Variants in DCC observed in about 807,000 individuals in gnomAD.
The protein encoded by DCC is DCC netrin 1 receptor.
A neutral mutation model predicts 172.5 loss-of-function variants in DCC; 58 were observed. That is an observed-to-expected ratio of 0.34 (90% confidence interval 0.27 to 0.42). DCC has a LOEUF of 0.42. DCC is among the 10% of genes least tolerant of loss of function. The probability of loss-of-function intolerance (pLI) is 1.00; values close to 1 mark genes in which losing one functional copy is unlikely to be tolerated. For synonymous variants in DCC, 709 were observed against 644.5 expected (o/e 1.10, Z -1.52); for missense variants, 1,740 against 1,791.0 (o/e 0.97, Z 0.51).
chr18:53,128,830 T>TACAC (rs1209652447), intron 7 of DCC, among the ~76,000 whole-genome samples: 4,731 of 85,742 alleles, frequency 0.055, 205 homozygotes, highest in Non-Finnish European at 0.081. Flanking sequence ...TGTATACACA[T>TACAC]ACACACACAC....
intron 21 of DCC, among the ~76,000 whole-genome samples, chr18:53,432,082 T>G (rs962478839): frequency 6.6e-6 from 1 of 152,098 alleles, no homozygotes; most frequent in African/African-American, 2.4e-5. Context: ...TGACTGAAAA[T>G]AAAACATTTT....
intron 1 of DCC, among the ~76,000 whole-genome samples, chr18:52,363,387 C>T (rs186886019): frequency 6.6e-6 from 1 of 152,290 alleles, no homozygotes; most frequent in South Asian, 2.1e-4. Context: ...CCTTCAGAAT[C>T]CCTCATTTCT....
At chr18:53,203,277 G>A (rs1304435106) in intron 9 of DCC, among the ~76,000 whole-genome samples, 1 of 150,606 alleles carries the variant, frequency 6.6e-6, no homozygotes, top group Non-Finnish European at 1.5e-5. Flanking sequence ...GAATATTTTG[G>A]TATATATATT....
chr18:52,722,366 A>G (rs371163781), intron 1 of DCC, among the ~76,000 whole-genome samples: 1 of 152,008 alleles, frequency 6.6e-6, no homozygotes, highest in East Asian at 1.9e-4. Flanking sequence ...CCTACCTTTC[A>G]CCATTCACCT....
chr18:53,513,814 A>G (rs1294448008), intron 27 of DCC, among the ~76,000 whole-genome samples: 3 of 149,174 alleles, frequency 2.0e-5, no homozygotes, highest in Non-Finnish European at 3.0e-5. Context: ...TTCATAAAGC[A>G]AGTCCTGAGT....
chr18:52,741,061 A>AAG (rs1026647435), intron 1 of DCC, among the ~76,000 whole-genome samples: 2 of 151,994 alleles, frequency 1.3e-5, no homozygotes, highest in Non-Finnish European at 2.9e-5. Context: ...AGGTCTCCTG[A>AAG]CCCTTGTGCT....
chr18:52,881,004 A>T (rs1268576752), intron 2 of DCC, among the ~76,000 whole-genome samples: 1 of 152,126 alleles, frequency 6.6e-6, no homozygotes, highest in Non-Finnish European at 1.5e-5. Flanking sequence ...CCTTTTCTCC[A>T]CATCCTCTCC....
intron 12 of DCC, among the ~76,000 whole-genome samples, chr18:53,251,556 C>A (rs2056435070): frequency 6.6e-6 from 1 of 151,884 alleles, no homozygotes; most frequent in South Asian, 2.1e-4. Flanking sequence ...AGTCTTCTTA[C>A]ATTTATCTAA....
Position 53,205,264 on chromosome 18 carries a change from C to T in DCC, c.1622C>T (p.Pro541Leu), listed in dbSNP as rs1568363941. Residue 541 changes from proline to leucine, a missense_variant, in exon 10 of 29, where the codon CCT becomes CTT. Around this residue, in one of 2 missense-constraint regions of DCC, gnomAD observed 1,732 missense variants for 1,767.4 expected, o/e 0.98. Coordinates refer to ENST00000442544, the MANE Select transcript of DCC (RefSeq NM_005215.4). ...AACCTGCAAGCTGTATCTACCTCACCTACCTCAATTCTTATTACCTGGGAA... is the reference window on the plus strand; with the variant it reads ...AACCTGCAAGCTGTATCTACCTCACTTACCTCAATTCTTATTACCTGGGAA... ...VENLQAVSTS[P>L]TSILITWEPP... The T allele has an allele frequency of 6.2e-7, 1 of 1,613,514 alleles. No homozygotes were observed.
chr18:53,481,270 C>T (rs562918454), intron 25 of DCC, among the ~76,000 whole-genome samples: 56 of 152,272 alleles, frequency 3.7e-4, no homozygotes, highest in African/African-American at 1.2e-3. Context: ...GCATCTTTGA[C>T]GCTGGCTATG....
At chr18:53,370,716 A>T (rs1295653424) in intron 15 of DCC, among the ~76,000 whole-genome samples, 1 of 151,832 alleles carries the variant, frequency 6.6e-6, no homozygotes, top group African/African-American at 2.4e-5. Context: ...CATTACGGCC[A>T]GAGAAGATAC....
intron 21 of DCC, among the ~76,000 whole-genome samples, chr18:53,420,022 T>A (rs938531207): frequency 6.6e-6 from 1 of 151,782 alleles, no homozygotes; most frequent in South Asian, 2.1e-4. Context: ...CCTGGCTAAT[T>A]TTTTTGTCTT....
In DCC at chr18:53,517,443, TATAATA is replaced by T. The variant is rs71179517; in HGVS notation, c.4112-9145_4112-9140del. The stretch of plus-strand genomic sequence containing the variant: ...TGCACATGTACCCTAAAACTTAAAA[TATAATA>T]ATAATAATAATAATAATAATAATAA... On this transcript the variant is annotated intron_variant, in intron 27 of 28. Transcript: ENST00000442544. 8.0e-3 allele frequency among the ~76,000 whole-genome samples: 1,139 copies of T among 142,486 alleles called. 8 individuals carry two copies. Among genetic ancestry groups the T allele is most frequent in the African/African-American group, 0.022 (819 of 37,728 alleles). The allele number at this position is 142,486 out of a possible 152,430, so 93.5% of individuals were successfully genotyped here. A position where few individuals can be genotyped will look rare whatever the true frequency, so the allele number is the denominator to read the frequency against.
intron 15 of DCC, among the ~76,000 whole-genome samples, chr18:53,373,177 T>G (rs781550479): frequency 5.3e-5 from 8 of 152,190 alleles, no homozygotes; most frequent in Non-Finnish European, 8.8e-5. Context: ...TATACACCAG[T>G]AATGTTATAA....
chr18:52,391,968 G>T (rs928100751), intron 1 of DCC, among the ~76,000 whole-genome samples: 6 of 152,172 alleles, frequency 3.9e-5, no homozygotes. Context: ...CTTTAAAGCT[G>T]CCAGTGTAGC....
chr18:53,003,907 C>G (rs2041605806), intron 5 of DCC, among the ~76,000 whole-genome samples: 1 of 152,102 alleles, frequency 6.6e-6, no homozygotes, highest in African/African-American at 2.4e-5. Context: ...AGTCAAAGGT[C>G]TACAAGGTGT....
At chr18:52,636,843 C>T (rs2034789804) in intron 1 of DCC, among the ~76,000 whole-genome samples, 1 of 152,300 alleles carries the variant, frequency 6.6e-6, no homozygotes, top group East Asian at 1.9e-4. Flanking sequence ...TGGAAAGCGC[C>T]ACCTCCTGGC....
chr18:53,509,906 A>G (rs2046229804), intron 27 of DCC, among the ~76,000 whole-genome samples: 1 of 152,212 alleles, frequency 6.6e-6, no homozygotes, highest in Non-Finnish European at 1.5e-5. Flanking sequence ...TACTCAAATG[A>G]AACTCTGCAA....
intron 1 of DCC, among the ~76,000 whole-genome samples, chr18:52,442,189 C>T: frequency 6.6e-6 from 1 of 152,130 alleles, no homozygotes; most frequent in East Asian, 1.9e-4. Context: ...CATTCATAAT[C>T]TATGTTATAA....
Sources: allele counts gnomAD v4.1 joint callset (sites outside exome capture counted in the v4.1 genomes callset), GRCh38; gene constraint gnomAD v4.1.1; regional missense constraint gnomAD v4.1.1; transcripts MANE v1.5; gene names NCBI Gene and HGNC (gene_info 2026-07-23, HGNC 2026-07-21).